The following ARHGAP8 variants were observed in gnomAD, a reference collection of about 807,000 sequenced individuals.
The protein encoded by ARHGAP8 is rho GTPase-activating protein 8.
In ARHGAP8, 62 loss-of-function variants were observed where a neutral mutation model predicts 46.1. The observed-to-expected ratio is 1.34, with a 90% confidence interval of 1.10 to 1.66. ARHGAP8 has a LOEUF of 1.66. Ranked by LOEUF, ARHGAP8 falls within the 40% of genes most tolerant of loss-of-function variation. The pLI is 0.00. For missense variants in ARHGAP8, 923 were observed against 568.4 expected (o/e 1.62, Z -6.34); for synonymous variants, 375 against 243.1 (o/e 1.54, Z -5.05).
Position 44,862,747 on chromosome 22 carries a change from T to G in ARHGAP8, c.*152T>G, listed in dbSNP as rs562445067. ...TCCATGCCTCTGGTCCTTGGACTCT[T>G]GTCCATGGTTCCTGAGCTGTGGACC... On this transcript the variant is annotated 3_prime_UTR_variant, in exon 12 of 12. Coordinates refer to ENST00000356099, the MANE Select transcript of ARHGAP8 (RefSeq NM_181335.3). 2.1e-4 allele frequency: 191 copies of G among 929,896 alleles called. No individual in the cohort carries two copies. Among genetic ancestry groups the G allele is most frequent in the Non-Finnish European group, 2.7e-4 (174 of 652,458 alleles). 57.6% of individuals were successfully genotyped at this position (929,896 alleles called of 1,614,324 possible). A position where few individuals can be genotyped will look rare whatever the true frequency, so the allele number is the denominator to read the frequency against.
chr22:44,767,693 T>C (rs1158146292), intron 1 of ARHGAP8, among the ~76,000 whole-genome samples: 1 of 151,496 alleles, frequency 6.6e-6, no homozygotes, highest in African/African-American at 2.4e-5. Context: ...GCCAACATCG[T>C]GAAACCGCGT....
intron 5 of ARHGAP8, 76 bp from the exon 6 acceptor site, chr22:44,822,295 C>T: frequency 2.3e-6 from 3 of 1,289,888 alleles, no homozygotes; most frequent in Non-Finnish European, 2.1e-6. Context: ...CCGCCAACTC[C>T]CCCTCCCTCC....
intron 1 of ARHGAP8, among the ~76,000 whole-genome samples, chr22:44,782,893 C>T (rs1483669443): frequency 1.3e-5 from 2 of 152,144 alleles, no homozygotes; most frequent in South Asian, 2.1e-4. Flanking sequence ...GGAGCTGCCA[C>T]GCTGTTTTCC....
chr22:44,812,721 C>G (rs952667412), intron 4 of ARHGAP8, among the ~76,000 whole-genome samples: 6 of 152,052 alleles, frequency 3.9e-5, no homozygotes, highest in African/African-American at 1.5e-4. Flanking sequence ...ATATAAATAT[C>G]CTGCTCCTTG....
At chr22:44,852,631 A>G (rs1421461755) in intron 10 of ARHGAP8, among the ~76,000 whole-genome samples, 1 of 152,188 alleles carries the variant, frequency 6.6e-6, no homozygotes, top group Non-Finnish European at 1.5e-5. Context: ...TGCTGTGACT[A>G]GGTCACTCCA....
chr22:44,783,301 C>A (rs1926980056), intron 1 of ARHGAP8, among the ~76,000 whole-genome samples: 1 of 152,134 alleles, frequency 6.6e-6, no homozygotes, highest in Non-Finnish European at 1.5e-5. Context: ...TGCCCCCTCC[C>A]CACCCCCGCA....
rs1930086453 is a variant in ARHGAP8, at chr22:44,820,953, A to G, written c.387-1418A>G. On this transcript the variant is annotated intron_variant, in intron 5 of 11. Transcript: ENST00000356099. ...TTCTCCTACCTGTCATGATCTCCGT[A>G]TTTTTTGTTTTTGCCACGGTAACTT... Among the ~76,000 whole-genome samples the G allele has an allele frequency of 2.0e-5, 3 of 152,112 alleles. No individual in the cohort carries two copies. The South Asian group carries it at 6.2e-4, about 32-fold the overall frequency.
intron 2 of ARHGAP8, among the ~76,000 whole-genome samples, chr22:44,799,540 G>A (rs1018006955): frequency 4.6e-5 from 7 of 152,160 alleles, no homozygotes; most frequent in African/African-American, 1.7e-4. Context: ...GGTCCTCGGG[G>A]GCAGAGGTAG....
intron 11 of ARHGAP8, among the ~76,000 whole-genome samples, 192 bp downstream of exon 11, chr22:44,860,026 G>A (rs886112311): frequency 6.6e-6 from 1 of 151,626 alleles, no homozygotes; most frequent in African/African-American, 2.4e-5. Context: ...CGGACCTCCT[G>A]CCTGTCAGAC....
At chr22:44,778,312 A>G (rs929306464) in intron 1 of ARHGAP8, among the ~76,000 whole-genome samples, 1 of 152,162 alleles carries the variant, frequency 6.6e-6, no homozygotes, top group African/African-American at 2.4e-5. Flanking sequence ...TTCACTTAGA[A>G]TAACAGTCTC....
intron 10 of ARHGAP8, among the ~76,000 whole-genome samples, chr22:44,853,256 T>G (rs1346366601): frequency 6.6e-6 from 1 of 152,192 alleles, no homozygotes; most frequent in Admixed American, 6.5e-5. Context: ...GCACTGGGTG[T>G]TCCGGTGAAC....
intron 11 of ARHGAP8, among the ~76,000 whole-genome samples, chr22:44,861,046 C>G (rs963652160): frequency 3.3e-5 from 5 of 152,328 alleles, no homozygotes; most frequent in East Asian, 1.9e-4. Flanking sequence ...CTCTGTTGCC[C>G]TAGCTGGTGT....
intron 4 of ARHGAP8, among the ~76,000 whole-genome samples, chr22:44,814,463 G>A (rs1194060107): frequency 6.6e-6 from 1 of 152,190 alleles, no homozygotes; most frequent in Non-Finnish European, 1.5e-5. Flanking sequence ...GAACTAAAGC[G>A]CTGCAGGCAT....
intron 3 of ARHGAP8, among the ~76,000 whole-genome samples, chr22:44,802,588 C>A (rs1039976039): frequency 6.6e-6 from 1 of 152,154 alleles, no homozygotes; most frequent in Non-Finnish European, 1.5e-5. Flanking sequence ...CTGTAGTGGC[C>A]ATAACAAATG....
chr22:44,780,741 G>A (rs1015583568), intron 1 of ARHGAP8, among the ~76,000 whole-genome samples: 5 of 152,140 alleles, frequency 3.3e-5, no homozygotes, highest in Non-Finnish European at 5.9e-5. Context: ...CCCACCACTG[G>A]CCAATGCCAT....
chr22:44,857,981 G>T (rs1215904227), intron 10 of ARHGAP8, among the ~76,000 whole-genome samples: 1 of 152,076 alleles, frequency 6.6e-6, no homozygotes, highest in East Asian at 1.9e-4. Context: ...ACCCACTTGG[G>T]ACCATAATTC....
chr22:44,760,174 G>A (rs1453326911), intron 1 of ARHGAP8, among the ~76,000 whole-genome samples: 4 of 152,200 alleles, frequency 2.6e-5, no homozygotes, highest in Non-Finnish European at 4.4e-5. Flanking sequence ...TGCGCATGCC[G>A]TCTTGCCAGC....
At chr22:44,846,462 G>A (rs954758943) in intron 8 of ARHGAP8, among the ~76,000 whole-genome samples, 3 of 152,176 alleles carry the variant, frequency 2.0e-5, no homozygotes, top group Non-Finnish European at 2.9e-5. Flanking sequence ...GTGCTGGGCG[G>A]GGGCCTGGGA....
intron 10 of ARHGAP8, among the ~76,000 whole-genome samples, chr22:44,856,976 T>G (rs2070243656): frequency 7.0e-6 from 1 of 142,582 alleles, no homozygotes; most frequent in Non-Finnish European, 1.5e-5. Flanking sequence ...GTTTTGCTCT[T>G]GTCGCAAAGG....
Sources: allele counts gnomAD v4.1 joint callset (sites outside exome capture counted in the v4.1 genomes callset), GRCh38; gene constraint gnomAD v4.1.1; transcripts MANE v1.5; gene names NCBI Gene and HGNC (gene_info 2026-07-23, HGNC 2026-07-21).